STK32A: variants seen among roughly 807,000 people sequenced by gnomAD.
The protein encoded by STK32A is serine/threonine-protein kinase 32A.
Under a neutral mutation model 53.2 loss-of-function variants are expected in STK32A, and 41 were observed. That is an observed-to-expected ratio of 0.77 (90% confidence interval 0.60 to 1.00). STK32A has a LOEUF of 1.00. Among genes scored for constraint, STK32A ranks in the 50% least tolerant of loss-of-function variants. The pLI is 0.00. For missense variants in STK32A, 458 were observed against 485.8 expected (o/e 0.94, Z 0.54); for synonymous variants, 166 against 162.8 (o/e 1.02, Z -0.15).
intron 2 of STK32A, among the ~76,000 whole-genome samples, chr5:147,268,421 T>C (rs1754899716): frequency 6.6e-6 from 1 of 152,120 alleles, no homozygotes; most frequent in African/African-American, 2.4e-5. Context: ...GCAGCACTGC[T>C]TATATCACTT....
At chr5:147,256,522 G>GT (rs1316674645) in intron 2 of STK32A, among the ~76,000 whole-genome samples, 9 of 152,078 alleles carry the variant, frequency 5.9e-5, no homozygotes, top group African/African-American at 2.2e-4. Flanking sequence ...GTTTTGTTTT[G>GT]TTTTTTGAGA....
rs993792880 is a variant in STK32A at position 147,386,315 on chromosome 5, C to T, written c.*2332C>T. 1.3e-5 allele frequency: 2 copies of T among 152,190 alleles called. No individual in the cohort carries two copies. The highest frequency in any genetic ancestry group is 4.8e-5 in the African/African-American group (2 of 41,442). 9.4% of individuals were successfully genotyped at this position (152,190 alleles called of 1,614,324 possible). ...ATTCTGCTGCAGTCTGGTAACCCCA[C>T]GAGTGTCAGGGACTACTTGCATGTT... On this transcript the variant is annotated 3_prime_UTR_variant, in exon 13 of 13. Coordinates refer to ENST00000397936, the MANE Select transcript of STK32A (RefSeq NM_001112724.2).
At position 147,360,426 on chromosome 5, in the gene STK32A, G is replaced by A. The variant is rs111730522; in HGVS notation, c.563-1091G>A. Among the ~76,000 whole-genome samples, 801 of 142,226 alleles carry A rather than the reference G, an allele frequency of 5.6e-3. 8 individuals carry two copies. Among genetic ancestry groups the A allele is most frequent in the Middle Eastern group, 0.019 (5 of 258 alleles). 93.3% of individuals were successfully genotyped at this position (142,226 alleles called of 152,430 possible). A position where few individuals can be genotyped will look rare whatever the true frequency, so the allele number is the denominator to read the frequency against. ...TGATTGTATCACTGCAATCCAGCCT[G>A]GGCAATGGAGTGAGATTCTGTCTCA... On this transcript the variant is annotated intron_variant, in intron 7 of 12. Coordinates refer to ENST00000397936, the MANE Select transcript of STK32A (RefSeq NM_001112724.2).
chr5:147,395,483 G>A, the STK32A span: 1 of 1,527,246 alleles, frequency 6.5e-7, no homozygotes, highest in Non-Finnish European at 8.8e-7. Context: ...GAGTTCTGAG[G>A]AACACCCTGT....
At chr5:147,284,878 A>G (rs2082108191) in intron 4 of STK32A, among the ~76,000 whole-genome samples, 1 of 152,116 alleles carries the variant, frequency 6.6e-6, no homozygotes, top group African/African-American at 2.4e-5. Flanking sequence ...CCATACTGCC[A>G]AAAGCAATCT....
intron 11 of STK32A, chr5:147,383,145 A>G: frequency 2.5e-6 from 1 of 400,836 alleles, no homozygotes; most frequent in South Asian, 3.2e-5. Context: ...GCGCTTTGCC[A>G]CCCAAGCCTT....
At chr5:147,380,791 C>T (rs998793390) in intron 11 of STK32A, among the ~76,000 whole-genome samples, 4 of 152,206 alleles carry the variant, frequency 2.6e-5, no homozygotes, top group African/African-American at 9.6e-5. Context: ...GGGGAACATT[C>T]TATCAGGATT....
At chr5:147,345,723 T>C (rs1158835373) in intron 6 of STK32A, among the ~76,000 whole-genome samples, 1 of 152,188 alleles carries the variant, frequency 6.6e-6, no homozygotes, top group Non-Finnish European at 1.5e-5. Flanking sequence ...TGGGGCTCTG[T>C]TGCCTACAGA....
At chr5:147,373,105 T>C (rs1757071219) in intron 9 of STK32A, 64 bp from the exon 10 acceptor site, 1 of 1,596,294 alleles carries the variant, frequency 6.3e-7, no homozygotes, top group Admixed American at 1.7e-5. Flanking sequence ...AGAGGGAATT[T>C]GTATGATTTT....
intron 5 of STK32A, among the ~76,000 whole-genome samples, chr5:147,329,351 C>A (rs572890560): frequency 6.6e-6 from 1 of 152,096 alleles, no homozygotes; most frequent in African/African-American, 2.4e-5. Context: ...GAAATCAGTA[C>A]CTTGACAGTG....
At chr5:147,314,882 C>G (rs1753914438) in intron 4 of STK32A, among the ~76,000 whole-genome samples, 1 of 151,874 alleles carries the variant, frequency 6.6e-6, no homozygotes, top group Admixed American at 6.6e-5. Flanking sequence ...GTAGCTGGGA[C>G]TGCAGGCATG....
intron 2 of STK32A, among the ~76,000 whole-genome samples, chr5:147,277,368 A>G (rs1751804081): frequency 6.6e-6 from 1 of 152,158 alleles, no homozygotes; most frequent in Admixed American, 6.5e-5. Context: ...ATTGACTCAA[A>G]AAACCATGCT....
chr5:147,360,074 T>G (rs1470526773), intron 7 of STK32A, among the ~76,000 whole-genome samples: 3 of 152,164 alleles, frequency 2.0e-5, no homozygotes, highest in Non-Finnish European at 2.9e-5. Context: ...GCCTACCCAA[T>G]GTTTCTGAGC....
At chr5:147,393,939 C>G in the STK32A span, 38 of 1,247,734 alleles carry the variant, frequency 3.0e-5, no homozygotes, top group Non-Finnish European at 4.2e-5. Flanking sequence ...AGATCACAAC[C>G]GTTTGGATTC....
chr5:147,327,680 G>A (rs1754668230), intron 5 of STK32A, among the ~76,000 whole-genome samples: 1 of 152,200 alleles, frequency 6.6e-6, no homozygotes. Flanking sequence ...ATAGCTCCAG[G>A]AGGTTTATGG....
rs371529272 is a variant in STK32A at position 147,239,606 on chromosome 5, C to T, written c.-29C>T. Reference sequence around the variant, plus strand: ...GTGTTTCTGCCCGGATAGTATAAATCGAGGATCCAGGTCTGGGCAGATTCA... The same window carrying T: ...GTGTTTCTGCCCGGATAGTATAAATTGAGGATCCAGGTCTGGGCAGATTCA... On this transcript the variant is annotated 5_prime_UTR_variant, in exon 2 of 13. Coordinates refer to ENST00000397936, the MANE Select transcript of STK32A (RefSeq NM_001112724.2). 2.1e-5 allele frequency: 33 copies of T among 1,578,122 alleles called. No individual in the cohort carries two copies. Among genetic ancestry groups the T allele is most frequent in the African/African-American group, 4.1e-5 (3 of 73,660 alleles).
chr5:147,366,749 T>C (rs1342173511), intron 8 of STK32A, among the ~76,000 whole-genome samples: 1 of 152,212 alleles, frequency 6.6e-6, no homozygotes, highest in Non-Finnish European at 1.5e-5. Context: ...AACCCCATCT[T>C]AGCAGTTTGT....
the STK32A span, chr5:147,400,633 C>G: frequency 1.3e-6 from 2 of 1,582,050 alleles, no homozygotes; most frequent in Non-Finnish European, 1.7e-6. Context: ...GCAGGAGGTT[C>G]TGATCTGGCC....
Position 147,384,927 on chromosome 5 carries a change from A to G in STK32A, c.*944A>G, listed in dbSNP as rs182943811. On this transcript the variant is annotated 3_prime_UTR_variant, in exon 13 of 13. Transcript: ENST00000397936. Reference sequence around the variant, plus strand: ...AGAAATGAATTTAGAAGATAGTAAAATTTACCGTTGAAAAACCCCTTAAAT... The same window carrying G: ...AGAAATGAATTTAGAAGATAGTAAAGTTTACCGTTGAAAAACCCCTTAAAT... The G allele has an allele frequency of 5.9e-4, 90 of 153,082 alleles. No homozygotes were observed. The highest frequency in any genetic ancestry group is 1.0e-3 in the Non-Finnish European group (69 of 68,670). 9.5% of individuals were successfully genotyped at this position (153,082 alleles called of 1,614,324 possible).
Sources: gnomAD v4.1 joint callset for allele counts (sites outside exome capture counted in the v4.1 genomes callset) on GRCh38, gnomAD v4.1.1 for gene constraint, MANE v1.5 for transcripts, NCBI Gene and HGNC (gene_info 2026-07-23, HGNC 2026-07-21) for gene names.